The following SZT2 variants were observed in gnomAD, a reference collection of about 807,000 sequenced individuals.
SZT2 encodes SZT2 subunit of KICSTOR complex.
In SZT2, 216 loss-of-function variants were observed where a neutral mutation model predicts 404.2. That is an observed-to-expected ratio of 0.53 (90% CI 0.48 to 0.60). SZT2 has a LOEUF of 0.60. Among genes scored for constraint, SZT2 ranks in the 20% least tolerant of loss-of-function variants. SZT2 has a pLI of 0.00. For missense variants in SZT2, 3,857 were observed against 4,459.2 expected (o/e 0.86, Z 3.85); for synonymous variants, 1,693 against 1,749.9 (o/e 0.97, Z 0.81).
intron 23 of SZT2, 50 bp from the exon 24 acceptor site, chr1:43,427,006 G>T (rs1370791793): frequency 6.2e-7 from 1 of 1,608,466 alleles, no homozygotes; most frequent in African/African-American, 1.3e-5. Flanking sequence ...GGGGAACAGG[G>T]GTTGGACATT....
rs757772256 is a variant in SZT2, at chr1:43,442,626, C to A, written c.8151+8C>A. 295 of 1,593,490 alleles carry A rather than the reference C, an allele frequency of 1.9e-4. 4 individuals are homozygous for A. In the Middle Eastern group the frequency reaches 5.7e-3, roughly 31 times the overall value. ...CCCGTGCGAGATGAAAAGGTGCCTG[C>A]TGCTCTGGTTCTTCCTATAGTTTTG... On this transcript the variant is annotated splice_region_variant and intron_variant, in intron 58 of 71. Coordinates refer to ENST00000634258, the MANE Select transcript of SZT2 (RefSeq NM_001365999.1). This position sits in a 1 kb window ranked among gnomAD's most constrained non-coding sequence, Gnocchi z 4.5.
At chr1:43,414,909 G>A (rs1314132821) in intron 4 of SZT2, among the ~76,000 whole-genome samples, 173 bp from the exon 5 acceptor site, 1 of 152,218 alleles carries the variant, frequency 6.6e-6, no homozygotes, top group Non-Finnish European at 1.5e-5. Flanking sequence ...CTGGGCTGAG[G>A]ACTGATGGAG....
chr1:43,421,152 A>T, intron 10 of SZT2, 22 bp from the exon 11 acceptor site: 1 of 1,598,002 alleles, frequency 6.3e-7, no homozygotes, highest in Non-Finnish European at 8.5e-7. Flanking sequence ...GATATGGCTC[A>T]GGCCTGGCCC....
At chr1:43,417,359 G>A (rs1651834174) in intron 7 of SZT2, among the ~76,000 whole-genome samples, 1 of 152,154 alleles carries the variant, frequency 6.6e-6, no homozygotes, top group South Asian at 2.1e-4. Flanking sequence ...AGAGAAGCGG[G>A]CTTAAAGTTG....
Position 43,448,064 on chromosome 1 carries a change from T to A in SZT2, c.9564-15T>A. ...TGCTACAACCACCACTCTCCTGCCC[T>A]GCTCCCCACCCCAGGCTACAGTTCT... On this transcript the variant is annotated splice_polypyrimidine_tract_variant and intron_variant, in intron 68 of 71. Transcript: ENST00000634258. The surrounding 1 kb of genome is among the most constrained non-coding windows in gnomAD (Gnocchi z 4.2). 1.9e-6 allele frequency: 3 copies of A among 1,600,844 alleles called. No individual in the cohort carries two copies. The highest frequency in any genetic ancestry group is 2.6e-6 in the Non-Finnish European group (3 of 1,170,882).
chr1:43,414,575 C>T (rs1302903344), intron 4 of SZT2, among the ~76,000 whole-genome samples: 1 of 152,120 alleles, frequency 6.6e-6, no homozygotes. Context: ...TGCCCACCAC[C>T]ATGCACAGCT....
Position 43,442,190 on chromosome 1 carries a change from C to A in SZT2, c.7873+60C>A, listed in dbSNP as rs1407866133. 55 of 1,601,302 alleles carry A rather than the reference C, an allele frequency of 3.4e-5. No homozygotes were observed. The highest frequency in any genetic ancestry group is 4.2e-5 in the Non-Finnish European group (49 of 1,173,202). On this transcript the variant is annotated intron_variant, in intron 56 of 71. Transcript: ENST00000634258. This position sits in a 1 kb window ranked among gnomAD's most constrained non-coding sequence, Gnocchi z 4.5. ...AGGCTAAGAGTAACTGGTGGGGTCT[C>A]CAACCTTGCAGAGGGGAGGGTGGGA...
Position 43,451,214 on chromosome 1 carries a change from G to A in SZT2, c.*734G>A. On this transcript the variant is annotated 3_prime_UTR_variant, in exon 72 of 72. Coordinates refer to ENST00000634258, the MANE Select transcript of SZT2 (RefSeq NM_001365999.1). Reference sequence around the variant, plus strand: ...GATGGGATGTCACTCGCTGTCTGGAGGCACGTGGGTGGTGTGCGGGCCCTC... The same window carrying A: ...GATGGGATGTCACTCGCTGTCTGGAAGCACGTGGGTGGTGTGCGGGCCCTC... 1 of 1,609,938 alleles carries A rather than the reference G, an allele frequency of 6.2e-7. No individual in the cohort carries two copies. The highest frequency in any genetic ancestry group is 8.5e-7 in the Non-Finnish European group (1 of 1,176,302).
intron 4 of SZT2, chr1:43,409,423 A>G (rs960908524): frequency 8.4e-5 from 30 of 357,846 alleles, no homozygotes; most frequent in Non-Finnish European, 1.6e-4. Context: ...TCTACCTAGA[A>G]TAGTCAGACA....
In SZT2 at chr1:43,441,903, T is replaced by G; in HGVS notation, c.7742+85T>G. ...TACAGGAAGCCAAACCTGAGGAAGCTGAGCTAGGAGAGGTGGAAACAAGGC... is the reference window on the plus strand; with the variant it reads ...TACAGGAAGCCAAACCTGAGGAAGCGGAGCTAGGAGAGGTGGAAACAAGGC... On this transcript the variant is annotated intron_variant, in intron 55 of 71. Coordinates refer to ENST00000634258, the MANE Select transcript of SZT2 (RefSeq NM_001365999.1). This position sits in a 1 kb window ranked among gnomAD's most constrained non-coding sequence, Gnocchi z 4.8. The G allele has an allele frequency of 6.3e-7, 1 of 1,596,600 alleles. No homozygotes were observed. Among genetic ancestry groups the G allele is most frequent in the Admixed American group, 1.7e-5 (1 of 59,256 alleles).
In SZT2 at chr1:43,453,868, G is replaced by C; in HGVS notation, c.*3388G>C. 8.2e-7 allele frequency: 1 copy of C among 1,218,286 alleles called. No individual in the cohort carries two copies. The highest frequency in any genetic ancestry group is 1.0e-6 in the Non-Finnish European group (1 of 983,284). 75.5% of individuals were successfully genotyped at this position (1,218,286 alleles called of 1,614,324 possible). A position where few individuals can be genotyped will look rare whatever the true frequency, so the allele number is the denominator to read the frequency against. On this transcript the variant is annotated 3_prime_UTR_variant, in exon 72 of 72. Coordinates refer to ENST00000634258, the MANE Select transcript of SZT2 (RefSeq NM_001365999.1). ...GCGGCGGGCGGCGGGCGGCGGGCGG[G>C]GGCGGGGCTCTCCTTGCTGGCCCTG...
In SZT2 at chr1:43,443,638, C is replaced by T. The variant is rs1240938356; in HGVS notation, c.8667C>T (p.Ala2889=). The change falls in exon 62 of 72, where the codon GCC becomes GCT. Residue 2889 remains alanine, a synonymous_variant. Coordinates refer to ENST00000634258, the MANE Select transcript of SZT2 (RefSeq NM_001365999.1). ...AGTCAGGGTCTGGGAGCCGAGAGGCCCCCACAAGCTGTGAATCCTTGGATG... is the reference window on the plus strand; with the variant it reads ...AGTCAGGGTCTGGGAGCCGAGAGGCTCCCACAAGCTGTGAATCCTTGGATG... The part of the protein sequence containing the change: ...RPESGSGSRE[A]PTSCESLDVS... The T allele has an allele frequency of 1.2e-6, 2 of 1,614,234 alleles. No homozygotes were observed. The highest frequency in any genetic ancestry group is 1.7e-6 in the Non-Finnish European group (2 of 1,180,050).
chr1:43,423,207 G>A lies in SZT2; in HGVS notation c.2146G>A (p.Gly716Arg), dbSNP rs1267685305. 4 of 1,597,460 alleles carry A rather than the reference G, an allele frequency of 2.5e-6. No individual in the cohort carries two copies. In the Admixed American group the frequency reaches 5.0e-5, roughly 20 times the overall value. The part of the protein sequence containing the change: ...VKRKGLGGAG[G>R]GSSPSKSPPV... ...ACGAAAAGGGCTAGGGGGTGCTGGTGGGGGCAGCTCTCCCTCCAAGTCACC... is the reference window on the plus strand; with the variant it reads ...ACGAAAAGGGCTAGGGGGTGCTGGTAGGGGCAGCTCTCCCTCCAAGTCACC... Residue 716 changes from glycine to arginine, a missense_variant, in exon 15 of 72, where the codon GGG becomes AGG. Transcript: ENST00000634258.
Position 43,451,387 on chromosome 1 carries a change from C to T in SZT2, c.*907C>T. 1.2e-6 allele frequency: 2 copies of T among 1,612,006 alleles called. No individual in the cohort carries two copies. The highest frequency in any genetic ancestry group is 4.5e-5 in the East Asian group (2 of 44,862). ...CCCTGTCCGGGTCCCTCCAGAGCTC[C>T]CTTCCCCAGGGCCACGCCTCACCTC... On this transcript the variant is annotated 3_prime_UTR_variant, in exon 72 of 72. Coordinates refer to ENST00000634258, the MANE Select transcript of SZT2 (RefSeq NM_001365999.1).
At chr1:43,433,308 G>A in intron 40 of SZT2, 118 bp downstream of exon 40, 3 of 1,058,492 alleles carry the variant, frequency 2.8e-6, no homozygotes, top group Non-Finnish European at 4.1e-6. Flanking sequence ...CTTGGGTAGA[G>A]ATCCAACTTG....
At chr1:43,423,829 C>T (rs1311542694) in intron 15 of SZT2, among the ~76,000 whole-genome samples, 1 of 146,682 alleles carries the variant, frequency 6.8e-6, no homozygotes, top group South Asian at 2.2e-4. Flanking sequence ...TATGGAAGGG[C>T]GTGGCTTAGC....
At chr1:43,446,047 T>C in intron 63 of SZT2, 63 bp downstream of exon 63, 1 of 1,596,990 alleles carries the variant, frequency 6.3e-7, no homozygotes, top group Admixed American at 1.7e-5. Flanking sequence ...CCTGAGGTCA[T>C]TGACCCTGAG....
intron 1 of SZT2, among the ~76,000 whole-genome samples, chr1:43,397,298 G>C (rs755665845): frequency 6.6e-5 from 10 of 151,706 alleles, no homozygotes; most frequent in Non-Finnish European, 1.5e-4. Flanking sequence ...GTGGTGGCAC[G>C]TGCTTATAGT....
Position 43,439,362 on chromosome 1 carries a change from C to T in SZT2, c.6797C>T (p.Pro2266Leu), listed in dbSNP as rs1246010578. ...CTGTGGCTGTTCTTTCCCCAGCATC[C>T]ACTCCCACCACAGGGTGGCCTCCCT... is the stretch of plus-strand genomic sequence containing the variant. Reference protein sequence around the residue: ...DSNSRNHFQHPLPPQGGLPDL... With the variant: ...DSNSRNHFQHLLPPQGGLPDL... Residue 2266 changes from proline to leucine, a missense_variant, in exon 49 of 72, where the codon CCA (proline) becomes CTA (leucine). Pro to Leu is a moderately conservative substitution (Grantham distance 98). Transcript: ENST00000634258. This position sits in a 1 kb window ranked among gnomAD's most constrained non-coding sequence, Gnocchi z 4.2. 2 of 1,614,058 alleles carry T rather than the reference C, an allele frequency of 1.2e-6. No individual in the cohort carries two copies. Among genetic ancestry groups the T allele is most frequent in the Non-Finnish European group, 8.5e-7 (1 of 1,179,996 alleles).
Sources: gnomAD v4.1 joint callset for allele counts (sites outside exome capture counted in the v4.1 genomes callset) on GRCh38, gnomAD v4.1.1 for gene constraint, Gnocchi (gnomAD v3.1) non-coding constraint, MANE v1.5 for transcripts, NCBI Gene and HGNC (gene_info 2026-07-23, HGNC 2026-07-21) for gene names.